The following MCC variants were observed in gnomAD, a reference collection of about 807,000 sequenced individuals.
MCC encodes MCC regulator of Wnt signaling pathway.
Under a neutral mutation model 116.2 loss-of-function variants are expected in MCC, and 90 were observed. The ratio of observed to expected loss-of-function variants is 0.77; its 90% CI spans 0.65 to 0.92. MCC has a LOEUF of 0.92. Among genes scored for constraint, MCC ranks in the 40% least tolerant of loss-of-function variants. MCC has a pLI of 0.00. For synonymous variants in MCC, 578 were observed against 510.5 expected (o/e 1.13, Z -1.78); for missense variants, 1,516 against 1,312.2 (o/e 1.16, Z -2.40).
At chr5:113,118,485 C>T (rs1757525133) in intron 6 of MCC, among the ~76,000 whole-genome samples, 1 of 152,182 alleles carries the variant, frequency 6.6e-6, no homozygotes, top group Admixed American at 6.5e-5. Flanking sequence ...TGTCCAGGAA[C>T]CAGCCTACTG....
At chr5:113,108,059 T>C (rs576935914) in intron 6 of MCC, among the ~76,000 whole-genome samples, 2 of 152,112 alleles carry the variant, frequency 1.3e-5, no homozygotes, top group African/African-American at 2.4e-5. Flanking sequence ...AAAGTAACCA[T>C]AGAGGCCAGG....
chr5:113,128,930 C>T (rs1279292683), intron 5 of MCC, among the ~76,000 whole-genome samples: 6 of 152,126 alleles, frequency 3.9e-5, no homozygotes, highest in East Asian at 3.8e-4. Flanking sequence ...CCAAGATGTA[C>T]GTGATACCAA....
intron 1 of MCC, among the ~76,000 whole-genome samples, chr5:113,417,248 G>A (rs754974373): frequency 2.6e-5 from 4 of 152,168 alleles, no homozygotes; most frequent in Non-Finnish European, 5.9e-5. Flanking sequence ...GATTACAGGC[G>A]TGAGCCACCG....
At chr5:113,263,908 C>A (rs1045279588) in intron 3 of MCC, among the ~76,000 whole-genome samples, 1 of 151,452 alleles carries the variant, frequency 6.6e-6, no homozygotes. Context: ...AAACCAGTGG[C>A]CTTATATCTA....
At position 113,393,969 on chromosome 5, in the gene MCC, G is replaced by A. The variant is rs145012633; in HGVS notation, c.171-8757C>T. Among the ~76,000 whole-genome samples the A allele has an allele frequency of 1.0e-3, 155 of 152,188 alleles. 1 individual carries two copies. Among genetic ancestry groups the A allele is most frequent in the African/African-American group, 3.3e-3 (135 of 41,522 alleles). On this transcript the variant is annotated intron_variant, in intron 1 of 18. Transcript: ENST00000408903. ...TCTACAGATAATCTAATCTAAATCT[G>A]TGGCTTTCATCTACCACTATGTATG...
rs144622187 is a variant in MCC at position 113,053,931 on chromosome 5, C to T, written c.2242G>A (p.Asp748Asn). The T allele has an allele frequency of 1.5e-5, 24 of 1,613,126 alleles. No individual in the cohort carries two copies. The highest frequency in any genetic ancestry group is 4.4e-5 in the South Asian group (4 of 91,028). The change falls in exon 15 of 19, where the codon GAC (aspartate) becomes AAC (asparagine). Residue 748 changes from aspartate (D) to asparagine (N), a missense_variant. By Grantham distance (23) the Asp-to-Asn change is conservative. Transcript: ENST00000408903. ...TCGTCTTCTTTAGTGAACTCGGTGT[C>T]GCAACTACTGGCTGTGGAGCTGGTT... ...STTSSTASSC[D>N]TEFTKEDEQR...
intron 14 of MCC, among the ~76,000 whole-genome samples, chr5:113,057,445 G>T (rs1159864311): frequency 6.6e-6 from 1 of 152,106 alleles, no homozygotes; most frequent in Non-Finnish European, 1.5e-5. Flanking sequence ...GGAAGGCAGG[G>T]AGAAAGATAA....
chr5:113,442,703 A>C (rs190410329), intron 1 of MCC, among the ~76,000 whole-genome samples: 44 of 152,302 alleles, frequency 2.9e-4, no homozygotes, highest in African/African-American at 1.0e-3. Context: ...ATCCAGTTTC[A>C]GTTTTCTGCA....
intron 1 of MCC, among the ~76,000 whole-genome samples, chr5:113,397,196 A>T (rs1440131825): frequency 2.0e-5 from 3 of 152,214 alleles, no homozygotes; most frequent in Non-Finnish European, 4.4e-5. Context: ...ACAAAATGCC[A>T]TATGACATGC....
intron 6 of MCC, among the ~76,000 whole-genome samples, chr5:113,113,526 G>A (rs933867915): frequency 2.0e-5 from 3 of 151,932 alleles, no homozygotes; most frequent in Non-Finnish European, 4.4e-5. Context: ...TAAGACAAGA[G>A]GACTTATGAG....
At chr5:113,075,819 G>A (rs1754411468) in intron 11 of MCC, among the ~76,000 whole-genome samples, 1 of 152,128 alleles carries the variant, frequency 6.6e-6, no homozygotes, top group African/African-American at 2.4e-5. Context: ...TCACTCTTTG[G>A]GTCCGCGCCA....
chr5:113,466,989 GA>G (rs1343869198), intron 1 of MCC, among the ~76,000 whole-genome samples: 12 of 151,976 alleles, frequency 7.9e-5, no homozygotes, highest in African/African-American at 2.4e-4. Flanking sequence ...CTTCTTTTGA[GA>G]AGTGTCTGTT....
intron 2 of MCC, among the ~76,000 whole-genome samples, chr5:113,348,370 T>G (rs577651389): frequency 5.3e-5 from 8 of 152,176 alleles, no homozygotes; most frequent in African/African-American, 1.9e-4. Context: ...AGCATCTTCT[T>G]TGACCACAAA....
At chr5:113,267,540 G>A (rs1315997014) in intron 3 of MCC, among the ~76,000 whole-genome samples, 1 of 152,152 alleles carries the variant, frequency 6.6e-6, no homozygotes, top group East Asian at 1.9e-4. Context: ...TATTCTGTCA[G>A]GGGCAACATT....
intron 3 of MCC, among the ~76,000 whole-genome samples, chr5:113,333,574 C>A (rs539279196): frequency 1.3e-5 from 2 of 150,586 alleles, no homozygotes; most frequent in Admixed American, 1.3e-4. Context: ...AAAGTTGAAG[C>A]CAAGTCATCC....
chr5:113,430,909 A>G (rs1339830355), intron 1 of MCC, among the ~76,000 whole-genome samples: 1 of 152,174 alleles, frequency 6.6e-6, no homozygotes, highest in Non-Finnish European at 1.5e-5. Context: ...GAGTATGAAC[A>G]CTGAGAGGGG....
intron 3 of MCC, among the ~76,000 whole-genome samples, chr5:113,247,087 C>T (rs1384109463): frequency 1.3e-5 from 2 of 152,150 alleles, no homozygotes; most frequent in Non-Finnish European, 2.9e-5. Flanking sequence ...GTGCTGGACA[C>T]TGGAAAGGTA....
chr5:113,317,775 G>A (rs1387702198), intron 3 of MCC, among the ~76,000 whole-genome samples: 1 of 152,160 alleles, frequency 6.6e-6, no homozygotes, highest in African/African-American at 2.4e-5. Flanking sequence ...AGTGTGGATG[G>A]GCTAATGAAG....
chr5:113,262,559 C>G (rs1431715514), intron 3 of MCC, among the ~76,000 whole-genome samples: 3 of 152,124 alleles, frequency 2.0e-5, no homozygotes, highest in Non-Finnish European at 4.4e-5. Flanking sequence ...ATACATGTCA[C>G]CTTAATTCCC....
Sources: allele counts gnomAD v4.1 joint callset (sites outside exome capture counted in the v4.1 genomes callset), GRCh38; gene constraint gnomAD v4.1.1; transcripts MANE v1.5; gene names NCBI Gene and HGNC (gene_info 2026-07-23, HGNC 2026-07-21).